Variants in GNAQ observed in about 807,000 individuals in gnomAD.
GNAQ encodes G protein subunit alpha q, also known as guanine nucleotide-binding protein G(q) subunit alpha.
In GNAQ, 8 loss-of-function variants were observed where a neutral mutation model predicts 43.9. The ratio of observed to expected loss-of-function variants is 0.18; its 90% CI spans 0.11 to 0.33. The LOEUF is 0.33. Among genes scored for constraint, GNAQ ranks in the 10% least tolerant of loss-of-function variants. The pLI is 1.00. For missense variants in GNAQ, 158 were observed against 450.8 expected, an observed-to-expected ratio of 0.35 and a Z score of 5.88; for synonymous variants, 155 against 170.7, an observed-to-expected ratio of 0.91 and a Z score of 0.71.
At chr9:77,847,417 C>CT (rs1216836961) in intron 2 of GNAQ, among the ~76,000 whole-genome samples, 1 of 152,128 alleles carries the variant, frequency 6.6e-6, no homozygotes, top group Non-Finnish European at 1.5e-5. Flanking sequence ...TGGGAATGGC[C>CT]TGGAGGAGAT....
chr9:77,967,000 GTCTT>G (rs1823176054), intron 1 of GNAQ, among the ~76,000 whole-genome samples: 1 of 152,164 alleles, frequency 6.6e-6, no homozygotes, highest in African/African-American at 2.4e-5. Flanking sequence ...CCTCTTCACA[GTCTT>G]TCTCAGAAAC....
chr9:78,012,839 A>G (rs1436063920), intron 1 of GNAQ, among the ~76,000 whole-genome samples: 1 of 152,332 alleles, frequency 6.6e-6, no homozygotes, highest in East Asian at 1.9e-4. Flanking sequence ...CCTGATATTC[A>G]ATATGAAATC....
chr9:77,770,906 A>C (rs1826213145), intron 5 of GNAQ, among the ~76,000 whole-genome samples: 1 of 152,218 alleles, frequency 6.6e-6, no homozygotes, highest in Non-Finnish European at 1.5e-5. Flanking sequence ...TCAGATCATG[A>C]AAAATAAAAC....
chr9:77,984,741 C>G (rs898035691), intron 1 of GNAQ, among the ~76,000 whole-genome samples: 2 of 152,124 alleles, frequency 1.3e-5, no homozygotes, highest in African/African-American at 4.8e-5. Flanking sequence ...CGCAGGGGTT[C>G]ATTCCACATT....
chr9:77,933,367 A>ATCTT (rs1388348128), intron 1 of GNAQ, among the ~76,000 whole-genome samples: 1 of 152,230 alleles, frequency 6.6e-6, no homozygotes. Context: ...ACACACATTT[A>ATCTT]TAAAGTGGCA....
chr9:77,805,836 A>T (rs917045427), intron 3 of GNAQ, among the ~76,000 whole-genome samples: 1 of 152,214 alleles, frequency 6.6e-6, no homozygotes, highest in Non-Finnish European at 1.5e-5. Context: ...AAGGCTTCGA[A>T]ATTATGCATT....
intron 1 of GNAQ, among the ~76,000 whole-genome samples, chr9:77,992,614 T>C (rs933398603): frequency 6.6e-6 from 1 of 152,168 alleles, no homozygotes; most frequent in Non-Finnish European, 1.5e-5. Flanking sequence ...TTAGTTTTTC[T>C]ACATAATTTT....
At chr9:77,819,326 C>T (rs1827074104) in intron 2 of GNAQ, among the ~76,000 whole-genome samples, 1 of 152,050 alleles carries the variant, frequency 6.6e-6, no homozygotes, top group African/African-American at 2.4e-5. Flanking sequence ...GGTAAATCTT[C>T]GATGTGTTGA....
intron 5 of GNAQ, among the ~76,000 whole-genome samples, chr9:77,740,731 T>C (rs76612834): frequency 0.036 from 5,504 of 152,290 alleles, 315 homozygotes; most frequent in African/African-American, 0.12. Flanking sequence ...TAGACTCTGA[T>C]ATGTATTTTT....
chr9:77,827,327 G>A (rs899491586), intron 2 of GNAQ, among the ~76,000 whole-genome samples: 1 of 145,732 alleles, frequency 6.9e-6, no homozygotes, highest in African/African-American at 2.5e-5. Flanking sequence ...AAAAGCTAAA[G>A]TGATTGGTGA....
intron 2 of GNAQ, among the ~76,000 whole-genome samples, chr9:77,849,266 A>T (rs139769539): frequency 1.6e-3 from 250 of 152,330 alleles, no homozygotes; most frequent in Non-Finnish European, 3.0e-3. Context: ...GGGGAATTAA[A>T]ACATGACTCT....
chr9:77,757,212 T>C (rs1190877647), intron 5 of GNAQ, among the ~76,000 whole-genome samples: 1 of 152,224 alleles, frequency 6.6e-6, no homozygotes, highest in African/African-American at 2.4e-5. Flanking sequence ...GTTATAACTG[T>C]CTTCCAAATA....
rs1274531592 is a variant in GNAQ at position 78,020,697 on chromosome 9, C to T, written c.136+10403G>A. ...CTCTTCTCTCCTTCTCTCCAGAGCC[C>T]AGCAAAGACACAATGGCGCTACCCC... On this transcript the variant is annotated intron_variant, in intron 1 of 6. Transcript: ENST00000286548. Among the ~76,000 whole-genome samples, 21 of 152,138 alleles carry T rather than the reference C, an allele frequency of 1.4e-4. 1 individual carries two copies. The highest frequency in any genetic ancestry group is 1.4e-3 in the Admixed American group (21 of 15,288).
At chr9:77,986,230 C>T (rs1273224042) in intron 1 of GNAQ, among the ~76,000 whole-genome samples, 1 of 152,178 alleles carries the variant, frequency 6.6e-6, no homozygotes, top group Non-Finnish European at 1.5e-5. Context: ...CCAACAGAAT[C>T]CTGTTGCTCT....
intron 2 of GNAQ, among the ~76,000 whole-genome samples, chr9:77,848,259 G>A (rs989781361): frequency 3.3e-5 from 5 of 152,274 alleles, no homozygotes; most frequent in Admixed American, 3.3e-4. Flanking sequence ...CAGTAAAGTT[G>A]AAAGTAAAGA....
intron 3 of GNAQ, among the ~76,000 whole-genome samples, chr9:77,802,913 T>G (rs991831113): frequency 1.3e-5 from 2 of 152,066 alleles, no homozygotes; most frequent in African/African-American, 4.8e-5. Context: ...CATTATAAAT[T>G]ATTAATTTAT....
intron 1 of GNAQ, among the ~76,000 whole-genome samples, chr9:77,987,981 T>C (rs1823463017): frequency 6.6e-6 from 1 of 152,120 alleles, no homozygotes; most frequent in Non-Finnish European, 1.5e-5. Flanking sequence ...ACAACTTAAG[T>C]CAAGGCTGAA....
chr9:77,797,405 G>T, intron 4 of GNAQ, 115 bp downstream of exon 4: 1 of 746,320 alleles, frequency 1.3e-6, no homozygotes, highest in Non-Finnish European at 2.3e-6. Flanking sequence ...GATAATAATT[G>T]GTATAAAGCC....
At chr9:78,030,799 A>C (rs191644753) in intron 1 of GNAQ, among the ~76,000 whole-genome samples, 51 of 152,194 alleles carry the variant, frequency 3.4e-4, no homozygotes, top group Admixed American at 7.8e-4. Context: ...TGCACAGCAG[A>C]TAAGGTACAG....
Sources: gnomAD v4.1 joint callset for allele counts (sites outside exome capture counted in the v4.1 genomes callset) on GRCh38, gnomAD v4.1.1 for gene constraint, MANE v1.5 for transcripts, NCBI Gene and HGNC (gene_info 2026-07-23, HGNC 2026-07-21) for gene names.